The following CDH18 variants were observed in gnomAD, a reference collection of about 807,000 sequenced individuals.
CDH18 encodes the protein cadherin-18.
CDH18 carries 31 observed loss-of-function variants against 67.9 expected under a neutral mutation model. That is an observed-to-expected ratio of 0.46 (90% CI 0.34 to 0.62). The LOEUF (loss-of-function observed/expected upper bound fraction) is 0.62, where lower values mean the gene tolerates loss of function less well. Ranked by LOEUF, CDH18 falls within the 20% of genes least tolerant of loss-of-function variation. The pLI, the probability that CDH18 is intolerant of heterozygous loss-of-function variation, is 0.01. For missense variants in CDH18, 890 were observed against 975.5 expected (o/e 0.91, Z 1.17); for synonymous variants, 362 against 347.2 (o/e 1.04, Z -0.48).
At chr5:19,912,070 T>C (rs1579556363) in intron 2 of CDH18, among the ~76,000 whole-genome samples, 2 of 152,216 alleles carry the variant, frequency 1.3e-5, no homozygotes. Context: ...TGTTACTCTT[T>C]GGGAGTCATC....
intron 8 of CDH18, among the ~76,000 whole-genome samples, chr5:19,549,604 G>A (rs951988907): frequency 5.9e-5 from 7 of 119,426 alleles, no homozygotes; most frequent in African/African-American, 2.1e-4. Flanking sequence ...TTCGGGAAAA[G>A]AAGAAAATAA....
At chr5:20,528,317 A>AC (rs1387551665) in intron 1 of CDH18, among the ~76,000 whole-genome samples, 3 of 152,044 alleles carry the variant, frequency 2.0e-5, no homozygotes, top group Admixed American at 1.3e-4. Context: ...AGATTTTAAT[A>AC]CCCCACTGTT....
rs188549878 is a variant in CDH18 at position 19,894,604 on chromosome 5, T to C, written c.-256-55362A>G. 3.0e-3 allele frequency among the ~76,000 whole-genome samples: 451 copies of C among 152,234 alleles called. 5 individuals are homozygous for C. The highest frequency in any genetic ancestry group is 9.8e-3 in the African/African-American group (406 of 41,562). On this transcript the variant is annotated intron_variant, in intron 2 of 12. Transcript: ENST00000382275. ...TCTTTATATTTTTGTGAAGATATTT[T>C]CTATTATTATAGAAAATTAAGAAAC...
intron 2 of CDH18, among the ~76,000 whole-genome samples, chr5:20,100,679 G>A (rs576237121): frequency 4.6e-5 from 7 of 151,896 alleles, no homozygotes; most frequent in Admixed American, 1.3e-4. Context: ...CTATACATCT[G>A]GCCTCCACTT....
intron 2 of CDH18, among the ~76,000 whole-genome samples, chr5:20,239,221 G>A (rs1224433805): frequency 1.3e-5 from 2 of 152,114 alleles, no homozygotes; most frequent in African/African-American, 2.4e-5. Flanking sequence ...TTGGGAGGCC[G>A]AGGCAGGCAG....
intron 2 of CDH18, among the ~76,000 whole-genome samples, chr5:19,965,755 G>A (rs1481646595): frequency 6.7e-6 from 1 of 148,466 alleles, no homozygotes; most frequent in African/African-American, 2.6e-5. Context: ...TAGAAAGAGA[G>A]AGGCGGGTAG....
chr5:19,686,805 C>A (rs1277467275), intron 5 of CDH18, among the ~76,000 whole-genome samples: 3 of 151,730 alleles, frequency 2.0e-5, no homozygotes, highest in African/African-American at 4.8e-5. Flanking sequence ...AGAAATATAA[C>A]AAAATATCTT....
rs566798495 is a variant in CDH18 at position 19,896,128 on chromosome 5, G to A, written c.-256-56886C>T. On this transcript the variant is annotated intron_variant, in intron 2 of 12. Transcript: ENST00000382275. ...TCCCAGCACTTTGGGAGGCCAATGC[G>A]GGCAGATCATCTGACGTCAGGAGTT... 3.3e-5 allele frequency among the ~76,000 whole-genome samples: 5 copies of A among 152,160 alleles called. No individual in the cohort carries two copies. In the East Asian group the frequency reaches 9.7e-4, roughly 29 times the overall value.
At chr5:20,257,394 T>G (rs571226571) in intron 1 of CDH18, among the ~76,000 whole-genome samples, 1 of 152,232 alleles carries the variant, frequency 6.6e-6, no homozygotes, top group African/African-American at 2.4e-5. Context: ...TATTTATACA[T>G]AGCTCACATT....
chr5:20,305,373 G>A, intron 1 of CDH18: 5 of 1,558,722 alleles, frequency 3.2e-6, no homozygotes, highest in Non-Finnish European at 4.4e-6. Flanking sequence ...TGGCCACAGA[G>A]AATGTTCCCA....
At chr5:20,035,380 A>G (rs1221898737) in intron 2 of CDH18, among the ~76,000 whole-genome samples, 1 of 152,042 alleles carries the variant, frequency 6.6e-6, no homozygotes, top group Admixed American at 6.6e-5. Flanking sequence ...TGATTGCATT[A>G]TTCTATTCTC....
Position 20,450,756 on chromosome 5 carries a change from T to C in CDH18, c.-580+124706A>G, listed in dbSNP as rs543641155. Among the ~76,000 whole-genome samples the C allele has an allele frequency of 5.3e-5, 8 of 152,278 alleles. No homozygotes were observed. In the South Asian group the frequency reaches 1.4e-3, roughly 28 times the overall value. On this transcript the variant is annotated intron_variant, in intron 1 of 14. Coordinates refer to the CDH18 transcript ENST00000507958. ...CTCACACTACATATGAAAAAACTCA[T>C]TGCATTAGTCTGTTCTCATGATGCT...
At chr5:19,929,292 C>T (rs1007965865) in intron 2 of CDH18, among the ~76,000 whole-genome samples, 2 of 152,016 alleles carry the variant, frequency 1.3e-5, no homozygotes. Flanking sequence ...TTTAGTTTGG[C>T]ATCAGACATA....
intron 2 of CDH18, among the ~76,000 whole-genome samples, chr5:20,126,071 T>C (rs143734295): frequency 1.6e-4 from 25 of 152,134 alleles, no homozygotes; most frequent in African/African-American, 5.1e-4. Context: ...ACGAATGACA[T>C]AGCTACAGTA....
intron 5 of CDH18, among the ~76,000 whole-genome samples, chr5:19,650,198 C>A (rs575399682): frequency 6.6e-6 from 1 of 152,034 alleles, no homozygotes; most frequent in Non-Finnish European, 1.5e-5. Flanking sequence ...GGAGCAAAAG[C>A]ATCATAAAAT....
intron 6 of CDH18, among the ~76,000 whole-genome samples, chr5:19,593,709 T>TCCTCCTCCTCCTCCTCCTCC (rs70950076): frequency 1.3e-4 from 15 of 111,200 alleles, no homozygotes; most frequent in Non-Finnish European, 1.9e-4. Context: ...CTCCTCCTCC[T>TCCTCCTCCTCCTCCTCCTCC]TCTTCTTCTT....
chr5:19,732,271 T>C (rs1767705315), intron 4 of CDH18, among the ~76,000 whole-genome samples: 1 of 151,920 alleles, frequency 6.6e-6, no homozygotes, highest in South Asian at 2.1e-4. Flanking sequence ...AGATACCTAG[T>C]TTCTACAAAA....
intron 5 of CDH18, among the ~76,000 whole-genome samples, chr5:19,648,429 T>A (rs1561538770): frequency 6.6e-6 from 1 of 151,618 alleles, no homozygotes; most frequent in Non-Finnish European, 1.5e-5. Context: ...AATAAATAAA[T>A]AAAATAATAA....
At chr5:20,156,914 T>G (rs1009248060) in intron 2 of CDH18, among the ~76,000 whole-genome samples, 1 of 152,216 alleles carries the variant, frequency 6.6e-6, no homozygotes, top group African/African-American at 2.4e-5. Flanking sequence ...ACTTACATTC[T>G]GATATAGTAG....
Sources: gnomAD v4.1 joint callset for allele counts (sites outside exome capture counted in the v4.1 genomes callset) on GRCh38, gnomAD v4.1.1 for gene constraint, MANE v1.5 for transcripts, NCBI Gene and HGNC (gene_info 2026-07-23, HGNC 2026-07-21) for gene names.